Variants in CTNNA3 observed in about 807,000 individuals in gnomAD.
CTNNA3 encodes the protein catenin alpha 3, also known as catenin alpha-3.
In CTNNA3, 76 loss-of-function variants were observed where a neutral mutation model predicts 95.7. The observed-to-expected ratio is 0.79, with a 90% CI of 0.66 to 0.96. CTNNA3 has a LOEUF of 0.96. CTNNA3 is among the 40% of genes least tolerant of loss of function. CTNNA3 has a pLI of 0.00. For missense variants in CTNNA3, 1,191 were observed against 1,089.8 expected (o/e 1.09, Z -1.31); for synonymous variants, 431 against 374.4 (o/e 1.15, Z -1.74).
chr10:66,687,052 A>G (rs1847323618), intron 9 of CTNNA3, among the ~76,000 whole-genome samples: 1 of 152,304 alleles, frequency 6.6e-6, no homozygotes, highest in East Asian at 1.9e-4. Flanking sequence ...TTTATACTTA[A>G]TAGGTTCCCA....
At chr10:66,163,100 G>A (rs1329702914) in intron 13 of CTNNA3, among the ~76,000 whole-genome samples, 2 of 152,156 alleles carry the variant, frequency 1.3e-5, no homozygotes, top group African/African-American at 4.8e-5. Context: ...GGTGAAGGGC[G>A]AGATGGGCTT....
At chr10:66,710,302 G>T (rs1353251747) in intron 9 of CTNNA3, among the ~76,000 whole-genome samples, 2 of 152,120 alleles carry the variant, frequency 1.3e-5, no homozygotes, top group East Asian at 3.9e-4. Context: ...CATGGTTGAT[G>T]CTTATTTAAA....
chr10:65,988,975 T>C (rs1040104555), intron 15 of CTNNA3, among the ~76,000 whole-genome samples, 178 bp from the exon 16 acceptor site: 2 of 152,208 alleles, frequency 1.3e-5, no homozygotes, highest in African/African-American at 4.8e-5. Flanking sequence ...TGAGTCTCAC[T>C]CTGTCGCCAA....
rs1204849298 is a variant in CTNNA3, at chr10:67,483,777, AAAAAAAAAAAC to A, written c.579+38054_579+38064del. ...GTATAATAATAAAAAAATAAAAATT[AAAAAAAAAAAC>A]AAAAAAAAAACAAAACACTGCTCAA... On this transcript the variant is annotated intron_variant, in intron 5 of 17. Coordinates refer to ENST00000433211, the MANE Select transcript of CTNNA3 (RefSeq NM_013266.4). Among the ~76,000 whole-genome samples the A allele has an allele frequency of 3.5e-3, 427 of 120,590 alleles. 1 individual carries two copies. The highest frequency in any genetic ancestry group is 0.018 in the Middle Eastern group (4 of 220). The allele number at this position is 120,590 out of a possible 152,430, so 79.1% of individuals were successfully genotyped here.
chr10:66,934,298 C>A (rs1239999695), intron 7 of CTNNA3, among the ~76,000 whole-genome samples: 1 of 152,008 alleles, frequency 6.6e-6, no homozygotes, highest in East Asian at 1.9e-4. Context: ...CTCACTTCTC[C>A]CAATCAGGAT....
chr10:67,548,787 C>CA (rs924141963), intron 3 of CTNNA3, among the ~76,000 whole-genome samples: 35 of 145,154 alleles, frequency 2.4e-4, no homozygotes, highest in Admixed American at 7.5e-4. Context: ...TTTTGGACTC[C>CA]AAAAAAAAAA....
chr10:66,904,752 C>G (rs1410600744), intron 7 of CTNNA3, among the ~76,000 whole-genome samples: 1 of 152,048 alleles, frequency 6.6e-6, no homozygotes, highest in Non-Finnish European at 1.5e-5. Context: ...ATGCAGCAGC[C>G]AACACACACT....
chr10:67,667,186 G>C (rs1427115262), intron 1 of CTNNA3, among the ~76,000 whole-genome samples: 1 of 152,012 alleles, frequency 6.6e-6, no homozygotes, highest in Admixed American at 6.6e-5. Flanking sequence ...TGTTATTACA[G>C]CATTAATATA....
At chr10:67,301,996 AAAGAAC>A (rs1840315466) in intron 5 of CTNNA3, among the ~76,000 whole-genome samples, 1 of 59,480 alleles carries the variant, frequency 1.7e-5, no homozygotes, top group African/African-American at 1.7e-4. Context: ...AGAAAGAACG[AAAGAAC>A]GAAAGAAAGA....
At chr10:66,806,568 G>A (rs542070159) in intron 7 of CTNNA3, among the ~76,000 whole-genome samples, 6 of 152,058 alleles carry the variant, frequency 3.9e-5, no homozygotes, top group African/African-American at 1.4e-4. Flanking sequence ...AGTGGGTGAA[G>A]GGACCCAAAT....
At chr10:66,499,234 A>G (rs1840198899) in intron 11 of CTNNA3, among the ~76,000 whole-genome samples, 1 of 152,208 alleles carries the variant, frequency 6.6e-6, no homozygotes, top group Non-Finnish European at 1.5e-5. Flanking sequence ...CTAGGTCAAA[A>G]GGATTTTTAT....
At chr10:66,839,796 T>C (rs1842986304) in intron 7 of CTNNA3, among the ~76,000 whole-genome samples, 1 of 152,064 alleles carries the variant, frequency 6.6e-6, no homozygotes, top group South Asian at 2.1e-4. Flanking sequence ...GCAGATATAA[T>C]CCACATATAA....
chr10:66,192,579 G>A (rs976253255), intron 13 of CTNNA3, among the ~76,000 whole-genome samples: 2 of 152,138 alleles, frequency 1.3e-5, no homozygotes, highest in Admixed American at 6.5e-5. Context: ...ATAAGTACTT[G>A]AGTGCTTAAC....
At chr10:67,239,360 C>G (rs1044452853) in intron 5 of CTNNA3, among the ~76,000 whole-genome samples, 1 of 57,124 alleles carries the variant, frequency 1.8e-5, no homozygotes, top group Non-Finnish European at 3.6e-5. Context: ...GACAGCTACA[C>G]GTGATAAAAA....
intron 11 of CTNNA3, among the ~76,000 whole-genome samples, chr10:66,421,420 C>T (rs547708197): frequency 6.6e-6 from 1 of 152,058 alleles, no homozygotes; most frequent in Non-Finnish European, 1.5e-5. Flanking sequence ...GACTTCCTAA[C>T]CCATAGAAAT....
intron 5 of CTNNA3, among the ~76,000 whole-genome samples, chr10:67,283,304 A>C (rs961136877): frequency 1.3e-5 from 2 of 152,186 alleles, no homozygotes; most frequent in African/African-American, 4.8e-5. Context: ...GCAGTCTCCC[A>C]ATAGACAGAT....
At chr10:67,136,260 T>C (rs1404611256) in intron 7 of CTNNA3, among the ~76,000 whole-genome samples, 1 of 152,106 alleles carries the variant, frequency 6.6e-6, no homozygotes, top group African/African-American at 2.4e-5. Context: ...ACCACTATTA[T>C]ATAATTATAT....
intron 10 of CTNNA3, among the ~76,000 whole-genome samples, chr10:66,556,242 G>A (rs542253179): frequency 1.1e-4 from 16 of 152,044 alleles, no homozygotes; most frequent in African/African-American, 3.6e-4. Flanking sequence ...GCAGAAAAGT[G>A]AGCCCTTCCA....
At chr10:66,192,797 C>T (rs2086752826) in intron 13 of CTNNA3, among the ~76,000 whole-genome samples, 1 of 152,074 alleles carries the variant, frequency 6.6e-6, no homozygotes, top group African/African-American at 2.4e-5. Flanking sequence ...AATTTCTTTG[C>T]ATATATTTTG....
Sources: allele counts gnomAD v4.1 joint callset (sites outside exome capture counted in the v4.1 genomes callset), GRCh38; gene constraint gnomAD v4.1.1; transcripts MANE v1.5; gene names NCBI Gene and HGNC (gene_info 2026-07-23, HGNC 2026-07-21).